The following REXO4 variants were observed in gnomAD, a reference collection of about 807,000 sequenced individuals.
REXO4 encodes the protein REX4 homolog, 3'-5' exonuclease.
REXO4 carries 29 observed loss-of-function variants against 39.9 expected under a neutral mutation model. The observed-to-expected ratio is 0.73, with a 90% confidence interval of 0.54 to 0.99. The LOEUF (loss-of-function observed/expected upper bound fraction) is 0.99. Ranked by LOEUF, REXO4 falls within the 50% of genes least tolerant of loss-of-function variation. The pLI, the probability that REXO4 is intolerant of heterozygous loss-of-function variation, is 0.00. For synonymous variants in REXO4, 184 were observed against 206.2 expected (o/e 0.89, Z 0.92); for missense variants, 524 against 546.5 (o/e 0.96, Z 0.41).
In REXO4 at chr9:133,416,390, T is replaced by C. The variant is rs149271452; in HGVS notation, c.225+1230A>G. Among the ~76,000 whole-genome samples, 323 of 152,298 alleles carry C rather than the reference T, an allele frequency of 2.1e-3. 3 individuals carry two copies. Among genetic ancestry groups the C allele is most frequent in the Non-Finnish European group, 7.5e-4 (51 of 68,026 alleles). On this transcript the variant is annotated intron_variant, in intron 1 of 7. Coordinates refer to ENST00000371942, the MANE Select transcript of REXO4 (RefSeq NM_020385.4). ...TTTTTAAAAAAACTACTTTTTACTTTTATTTAGAGATGGAATCTCACCATG... is the reference window on the plus strand; with the variant it reads ...TTTTTAAAAAAACTACTTTTTACTTCTATTTAGAGATGGAATCTCACCATG...
intron 1 of REXO4, among the ~76,000 whole-genome samples, chr9:133,416,261 T>TA (rs1300725635): frequency 6.6e-6 from 1 of 152,172 alleles, no homozygotes; most frequent in African/African-American, 2.4e-5. Flanking sequence ...AGTGAGAACT[T>TA]ACTCGTTACT....
chr9:133,414,441 C>T, intron 2 of REXO4: 2 of 694,956 alleles, frequency 2.9e-6, no homozygotes, highest in South Asian at 3.0e-5. Context: ...TGTACTGGCA[C>T]CCACTAAATG....
intron 1 of REXO4, among the ~76,000 whole-genome samples, chr9:133,417,236 T>C (rs1467616824): frequency 6.6e-6 from 1 of 152,238 alleles, no homozygotes; most frequent in Non-Finnish European, 1.5e-5. Flanking sequence ...GGGCTGGTCT[T>C]GAACTCTTGA....
At position 133,406,895 on chromosome 9, in the gene REXO4, CCT is replaced by C; in HGVS notation, c.*56_*57del. On this transcript the variant is annotated 3_prime_UTR_variant, in exon 8 of 8. Transcript: ENST00000371942. ...CCACTCTGGGGAGATGTGATCTGTC[CCT>C]GTGACTGGTCACATTGCCTCTGTAG... 6.2e-7 allele frequency: 1 copy of C among 1,601,654 alleles called. No individual in the cohort carries two copies. The highest frequency in any genetic ancestry group is 2.2e-5 in the East Asian group (1 of 44,866).
At chr9:133,407,548 T>G (rs1838960235) in intron 7 of REXO4, among the ~76,000 whole-genome samples, 1 of 152,208 alleles carries the variant, frequency 6.6e-6, no homozygotes, top group African/African-American at 2.4e-5. Flanking sequence ...CCCTTTGTAA[T>G]TATTTGGCAA....
At chr9:133,415,032 C>G in intron 1 of REXO4, 21 bp from the exon 2 acceptor site, 1 of 1,559,758 alleles carries the variant, frequency 6.4e-7, no homozygotes, top group Non-Finnish European at 8.6e-7. Context: ...AAATAAAATA[C>G]ATGCTGCATT....
Position 133,407,002 on chromosome 9 carries a change from T to A in REXO4, c.1220A>T (p.Asp407Val), listed in dbSNP as rs782220781. ...TGGAGCAGTCAGCAGGGGGCGCCTG[T>A]CTCGGGCCATGCTCTCCCACTCCTT... ...VKKEWESMAR[D>V]RRPLLTAPDH... Residue 407 changes from aspartate to valine, a missense_variant, in exon 8 of 8, where the codon GAC becomes GTC. Transcript: ENST00000371942. The A allele has an allele frequency of 2.2e-5, 36 of 1,612,966 alleles. No individual in the cohort carries two copies. The highest frequency in any genetic ancestry group is 2.7e-5 in the Non-Finnish European group (32 of 1,180,014).
chr9:133,407,110 T>C (rs782696308), intron 7 of REXO4, 38 bp from the exon 8 acceptor site: 14 of 1,609,046 alleles, frequency 8.7e-6, no homozygotes, highest in Admixed American at 8.3e-5. Flanking sequence ...TGACGAGGCA[T>C]AGCCGCAGCC....
At position 133,406,855 on chromosome 9, in the gene REXO4, G is replaced by A; in HGVS notation, c.*98C>T. Reference sequence around the variant, plus strand: ...GCCCCTCTGCCATGATTCTGAAAAGGTTTCACCAGAGTTGCCACTCTGGGG... The same window carrying A: ...GCCCCTCTGCCATGATTCTGAAAAGATTTCACCAGAGTTGCCACTCTGGGG... On this transcript the variant is annotated 3_prime_UTR_variant, in exon 8 of 8. Transcript: ENST00000371942. The A allele has an allele frequency of 3.9e-6, 6 of 1,554,218 alleles. No individual in the cohort carries two copies. The South Asian group carries it at 5.6e-5, about 15-fold the overall frequency.
In REXO4 at chr9:133,411,008, G is replaced by A; in HGVS notation, c.976C>T (p.His326Tyr). The change falls in exon 5 of 8, where the codon CAC becomes TAC. Residue 326 changes from histidine (H) to tyrosine (Y), a missense_variant. His to Tyr is a moderately conservative substitution (Grantham distance 83, BLOSUM62 2). Transcript: ENST00000371942. ...EMLKGRILVGHALHNDLKVLF... is the reference protein window; with the variant it reads ...EMLKGRILVGYALHNDLKVLF... ...ACCTTTAGGTCATTATGCAGAGCGTGCCCCACTAGAATTCTGCCCTTCAGC... is the reference window on the plus strand; with the variant it reads ...ACCTTTAGGTCATTATGCAGAGCGTACCCCACTAGAATTCTGCCCTTCAGC... 1.9e-6 allele frequency: 3 copies of A among 1,614,050 alleles called. No homozygotes were observed. Among genetic ancestry groups the A allele is most frequent in the Non-Finnish European group, 2.5e-6 (3 of 1,179,896 alleles).
rs1303597714 is a variant in REXO4, at chr9:133,406,348, T to A, written c.*605A>T. On this transcript the variant is annotated 3_prime_UTR_variant, in exon 8 of 8. Coordinates refer to ENST00000371942, the MANE Select transcript of REXO4 (RefSeq NM_020385.4). ...GTGCCCAGGCAACACATCCTCGTGC[T>A]ATGGGGAGAAGCCTCTGCTGGGTGA... 6.5e-6 allele frequency: 1 copy of A among 153,140 alleles called. No individual in the cohort carries two copies. The highest frequency in any genetic ancestry group is 1.5e-5 in the Non-Finnish European group (1 of 68,590). 9.5% of individuals were successfully genotyped at this position (153,140 alleles called of 1,614,324 possible).
intron 4 of REXO4, 78 bp downstream of exon 4, chr9:133,412,221 C>G (rs1299094789): frequency 6.9e-7 from 1 of 1,456,524 alleles, no homozygotes; most frequent in African/African-American, 1.4e-5. Flanking sequence ...TGGTCTCAGA[C>G]AGAAAAGGGA....
At chr9:133,410,901 T>C (rs1242635824) in intron 5 of REXO4, 84 bp downstream of exon 5, 1 of 1,012,298 alleles carries the variant, frequency 9.9e-7, no homozygotes, top group Non-Finnish European at 1.6e-6. Flanking sequence ...CCACACATTG[T>C]TAAAACTCCC....
intron 7 of REXO4, 97 bp from the exon 8 acceptor site, chr9:133,407,169 C>T (rs1289954471): frequency 6.4e-7 from 1 of 1,559,714 alleles, no homozygotes; most frequent in Non-Finnish European, 8.7e-7. Context: ...CACTCTGCTA[C>T]AGATGTACTG....
intron 6 of REXO4, among the ~76,000 whole-genome samples, chr9:133,408,303 A>T (rs28631820): frequency 6.6e-6 from 1 of 152,200 alleles, no homozygotes; most frequent in South Asian, 2.1e-4. Context: ...AAATAAAAAT[A>T]AAAAAATTAG....
chr9:133,409,711 G>A (rs187374496), intron 5 of REXO4, among the ~76,000 whole-genome samples: 150 of 152,174 alleles, frequency 9.9e-4, no homozygotes, highest in Admixed American at 3.3e-3. Context: ...ACAGGCACAC[G>A]CCACCACACC....
intron 6 of REXO4, among the ~76,000 whole-genome samples, chr9:133,408,253 A>G (rs914283536): frequency 6.6e-6 from 1 of 152,152 alleles, no homozygotes; most frequent in African/African-American, 2.4e-5. Flanking sequence ...CAGGAGTTTG[A>G]GAATAGCCAG....
intron 2 of REXO4, among the ~76,000 whole-genome samples, chr9:133,413,227 TA>T (rs2130725871): frequency 6.6e-6 from 1 of 152,108 alleles, no homozygotes; most frequent in African/African-American, 2.4e-5. Context: ...GCCTCCCTAG[TA>T]GCTGGGATTT....
chr9:133,407,173 T>G, intron 7 of REXO4, 101 bp from the exon 8 acceptor site: 1 of 1,549,848 alleles, frequency 6.5e-7, no homozygotes, highest in Non-Finnish European at 8.8e-7. Flanking sequence ...CTGCTACAGA[T>G]GTACTGAGTG....
Sources: gnomAD v4.1 joint callset for allele counts (sites outside exome capture counted in the v4.1 genomes callset) on GRCh38, gnomAD v4.1.1 for gene constraint, MANE v1.5 for transcripts, NCBI Gene and HGNC (gene_info 2026-07-23, HGNC 2026-07-21) for gene names.